ADAMTS9: variants seen among roughly 807,000 people sequenced by gnomAD.
ADAMTS9 encodes ADAM metallopeptidase with thrombospondin type 1 motif 9.
ADAMTS9 carries 107 observed loss-of-function variants against 257.1 expected under a neutral mutation model. The observed-to-expected ratio is 0.42, with a 90% CI of 0.36 to 0.49. The LOEUF (loss-of-function observed/expected upper bound fraction) is 0.49. ADAMTS9 is among the 20% of genes least tolerant of loss of function. The pLI, the probability that ADAMTS9 is intolerant of heterozygous loss-of-function variation, is 0.03. For missense variants in ADAMTS9, 2,353 were observed against 2,469.1 expected (o/e 0.95, Z 1.00); for synonymous variants, 982 against 880.9 (o/e 1.11, Z -2.03).
rs1353115223 is a variant in ADAMTS9, at chr3:64,686,883, G to A, written c.201C>T (p.Val67=). 2 of 1,614,210 alleles carry A rather than the reference G, an allele frequency of 1.2e-6. No individual in the cohort carries two copies. Among genetic ancestry groups the A allele is most frequent in the Admixed American group, 1.7e-5 (1 of 60,030 alleles). Residue 67 remains valine, a synonymous_variant, in exon 2 of 40, where the codon GTC becomes GTT. Transcript: ENST00000498707. The surrounding 1 kb of genome is among the most constrained non-coding windows in gnomAD (Gnocchi z 4.6). ...NALGEPFPTN[V]HFKRTRRSIN... ...TGCTCCGTCGCGTTCTTTTGAAGTG[G>A]ACGTTCGTGGGAAAGGGTTCTCCGA...
At chr3:64,663,328 T>A (rs1283852323) in intron 3 of ADAMTS9, among the ~76,000 whole-genome samples, 1 of 151,910 alleles carries the variant, frequency 6.6e-6, no homozygotes, top group Non-Finnish European at 1.5e-5. Flanking sequence ...AAGTAAATAA[T>A]CCTTAATGTT....
At chr3:64,568,142 C>T (rs980265844) in intron 29 of ADAMTS9, among the ~76,000 whole-genome samples, 2 of 152,180 alleles carry the variant, frequency 1.3e-5, no homozygotes, top group African/African-American at 4.8e-5. Context: ...AATTCACCCT[C>T]ACAGCCACCC....
intron 14 of ADAMTS9, among the ~76,000 whole-genome samples, chr3:64,632,749 G>A (rs535278184): frequency 2.6e-5 from 4 of 151,856 alleles, no homozygotes; most frequent in African/African-American, 9.6e-5. Context: ...TAAGCTATTA[G>A]TCAGTGGGTG....
chr3:64,610,929 A>G (rs1056982233), intron 22 of ADAMTS9, among the ~76,000 whole-genome samples: 3 of 151,918 alleles, frequency 2.0e-5, no homozygotes, highest in African/African-American at 7.3e-5. Context: ...ACAAAAAATT[A>G]GCTGGGCATG....
At chr3:64,665,170 C>A (rs766317344) in intron 3 of ADAMTS9, among the ~76,000 whole-genome samples, 4 of 152,162 alleles carry the variant, frequency 2.6e-5, no homozygotes, top group East Asian at 3.8e-4. Flanking sequence ...TGTTTCCTAT[C>A]GCCACATCAT....
intron 2 of ADAMTS9, among the ~76,000 whole-genome samples, chr3:64,682,573 C>A (rs1282722904): frequency 6.6e-6 from 1 of 152,350 alleles, no homozygotes; most frequent in Non-Finnish European, 1.5e-5. Flanking sequence ...AAGCTCCACT[C>A]TTCTCCTCCG....
At chr3:64,557,500 G>C (rs541338489) in intron 30 of ADAMTS9, among the ~76,000 whole-genome samples, 4 of 152,038 alleles carry the variant, frequency 2.6e-5, no homozygotes, top group Non-Finnish European at 4.4e-5. Context: ...TGACCACTGC[G>C]AGGACAAATT....
intron 3 of ADAMTS9, among the ~76,000 whole-genome samples, chr3:64,672,962 C>T (rs147800647): frequency 7.7e-4 from 114 of 147,778 alleles, no homozygotes; most frequent in African/African-American, 1.4e-3. Flanking sequence ...CTTAACATCA[C>T]GTTATAATTG....
chr3:64,530,693 GTAAC>G (rs2082970050), intron 38 of ADAMTS9, among the ~76,000 whole-genome samples: 2 of 152,110 alleles, frequency 1.3e-5, no homozygotes, highest in Admixed American at 6.6e-5. Context: ...TGAAACGGTA[GTAAC>G]TATCTAACGA....
chr3:64,519,166 T>A (rs2082819422), intron 39 of ADAMTS9, among the ~76,000 whole-genome samples: 1 of 152,320 alleles, frequency 6.6e-6, no homozygotes, highest in South Asian at 2.1e-4. Flanking sequence ...AGTTTTGTTG[T>A]GAGGATTCAA....
intron 12 of ADAMTS9, among the ~76,000 whole-genome samples, chr3:64,641,062 C>T (rs1487512871): frequency 6.6e-6 from 1 of 151,968 alleles, no homozygotes; most frequent in Non-Finnish European, 1.5e-5. Flanking sequence ...AAAGTAATTC[C>T]TTATCACAGA....
chr3:64,542,914 T>A (rs2083145553), intron 32 of ADAMTS9, among the ~76,000 whole-genome samples: 2 of 151,512 alleles, frequency 1.3e-5, no homozygotes, highest in African/African-American at 2.4e-5. Flanking sequence ...ATAGACACAA[T>A]AAAAAATGAT....
In ADAMTS9 at chr3:64,686,983, A is replaced by C. The variant is rs772823262; in HGVS notation, c.116-15T>G. On this transcript the variant is annotated splice_polypyrimidine_tract_variant and intron_variant, in intron 1 of 39. Transcript: ENST00000498707. The surrounding 1 kb of genome is among the most constrained non-coding windows in gnomAD (Gnocchi z 4.6). ...TAATAATTTCACTGCGGAGAGAAGC[A>C]GAGGTATATGAACCAATAATTCATT... 12 of 1,608,474 alleles carry C rather than the reference A, an allele frequency of 7.5e-6. No homozygotes were observed. The highest frequency in any genetic ancestry group is 6.6e-5 in the South Asian group (6 of 90,408).
At chr3:64,643,265 C>T (rs967871731) in intron 11 of ADAMTS9, among the ~76,000 whole-genome samples, 10 of 151,928 alleles carry the variant, frequency 6.6e-5, no homozygotes, top group African/African-American at 9.7e-5. Context: ...AACAGATGGA[C>T]GGCTTTGTCT....
chr3:64,632,631 A>G (rs957766386), intron 14 of ADAMTS9, among the ~76,000 whole-genome samples: 5 of 152,208 alleles, frequency 3.3e-5, no homozygotes, highest in African/African-American at 1.2e-4. Flanking sequence ...AGAAGACCAG[A>G]AGAAGAGAGT....
At chr3:64,678,547 C>T (rs931929905) in intron 3 of ADAMTS9, among the ~76,000 whole-genome samples, 2 of 152,180 alleles carry the variant, frequency 1.3e-5, no homozygotes, top group Non-Finnish European at 2.9e-5. Flanking sequence ...TTGTATGAGG[C>T]TCCCAGAGTA....
chr3:64,639,315 A>ATTTT lies in ADAMTS9; in HGVS notation c.1856+2532_1856+2533insAAAA, dbSNP rs1458635047. 1.7e-3 allele frequency among the ~76,000 whole-genome samples: 108 copies of ATTTT among 63,736 alleles called. 1 individual carries two copies. The highest frequency in any genetic ancestry group is 5.1e-3 in the African/African-American group (75 of 14,610). 41.8% of individuals were successfully genotyped at this position (63,736 alleles called of 152,430 possible). Reference sequence around the variant, plus strand: ...ATTGTTTTTTTTTTTTTTTTTTTAAAAAAAAAAAAAAAAAAACCTCCCATA... The same window carrying ATTTT: ...ATTGTTTTTTTTTTTTTTTTTTTAAATTTTAAAAAAAAAAAAAAAACCTCCCATA... On this transcript the variant is annotated intron_variant, in intron 12 of 39. Transcript: ENST00000498707.
rs548176856 is a variant in ADAMTS9, at chr3:64,650,621, G to A, written c.1463+396C>T. On this transcript the variant is annotated intron_variant, in intron 9 of 39. Coordinates refer to ENST00000498707, the MANE Select transcript of ADAMTS9 (RefSeq NM_182920.2). ...TCCACTCATCCACGGAATCTGCTTT[G>A]GGATCATCTCACTACCCCACCCCTT... 18 of 167,448 alleles carry A rather than the reference G, an allele frequency of 1.1e-4. No individual in the cohort carries two copies. The East Asian group carries it at 3.3e-3, about 31-fold the overall frequency. 10.4% of individuals were successfully genotyped at this position (167,448 alleles called of 1,614,324 possible). A position where few individuals can be genotyped will look rare whatever the true frequency, so the allele number is the denominator to read the frequency against.
At chr3:64,618,344 T>C (rs1700017712) in intron 19 of ADAMTS9, among the ~76,000 whole-genome samples, 1 of 152,210 alleles carries the variant, frequency 6.6e-6, no homozygotes, top group African/African-American at 2.4e-5. Flanking sequence ...GTAGAGTACA[T>C]ATAAAAGTTA....
Sources: allele counts gnomAD v4.1 joint callset (sites outside exome capture counted in the v4.1 genomes callset), GRCh38; gene constraint gnomAD v4.1.1; non-coding constraint Gnocchi (gnomAD v3.1); transcripts MANE v1.5; gene names NCBI Gene and HGNC (gene_info 2026-07-23, HGNC 2026-07-21).